Variants in SUGCT observed in about 807,000 individuals in gnomAD.
SUGCT encodes the protein succinyl-CoA:glutarate-CoA transferase.
SUGCT carries 41 observed loss-of-function variants against 55.0 expected under a neutral mutation model. The ratio of observed to expected loss-of-function variants is 0.74; its 90% CI spans 0.58 to 0.97. The LOEUF (loss-of-function observed/expected upper bound fraction) is 0.97, where lower values mean the gene tolerates loss of function less well. Ranked by LOEUF, SUGCT falls within the 50% of genes least tolerant of loss-of-function variation. SUGCT has a pLI of 0.00. For missense variants in SUGCT, 568 were observed against 547.8 expected (o/e 1.04, Z -0.37); for synonymous variants, 187 against 200.4 (o/e 0.93, Z 0.56).
chr7:40,838,786 T>C (rs1454336934), intron 13 of SUGCT, among the ~76,000 whole-genome samples: 1 of 152,184 alleles, frequency 6.6e-6, no homozygotes, highest in Admixed American at 6.5e-5. Context: ...AGTACTTTGT[T>C]GAATAAGAGC....
the SUGCT span, among the ~76,000 whole-genome samples, chr7:40,955,971 A>G: frequency 2.0e-5 from 3 of 152,170 alleles, no homozygotes; most frequent in African/African-American, 7.2e-5. Flanking sequence ...TATCACAGGG[A>G]TGAAGCCAAG....
intron 13 of SUGCT, among the ~76,000 whole-genome samples, chr7:40,830,865 T>C (rs111589458): frequency 2.6e-5 from 4 of 152,316 alleles, no homozygotes; most frequent in African/African-American, 9.6e-5. Flanking sequence ...AATCCACTTA[T>C]TTTTACTCTA....
chr7:40,722,612 C>G (rs1007103967), intron 12 of SUGCT, among the ~76,000 whole-genome samples: 1 of 152,072 alleles, frequency 6.6e-6, no homozygotes, highest in African/African-American at 2.4e-5. Context: ...ATGGAGTGAG[C>G]CTTCTAAAAC....
chr7:40,445,340 C>G lies in SUGCT; in HGVS notation c.817-3947C>G, dbSNP rs1023162068. On this transcript the variant is annotated intron_variant, in intron 9 of 13. Coordinates refer to ENST00000335693, the MANE Select transcript of SUGCT (RefSeq NM_001193313.2). Reference sequence around the variant, plus strand: ...TATCACCACTGATCCCACAGAAATACAAACTACCATCAGAGAATACTATAA... The same window carrying G: ...TATCACCACTGATCCCACAGAAATAGAAACTACCATCAGAGAATACTATAA... Among the ~76,000 whole-genome samples the G allele has an allele frequency of 2.0e-5, 3 of 152,082 alleles. No homozygotes were observed. The East Asian group carries it at 5.8e-4, about 29-fold the overall frequency.
the SUGCT span, among the ~76,000 whole-genome samples, chr7:41,017,065 G>A: frequency 6.6e-6 from 1 of 152,330 alleles, no homozygotes; most frequent in South Asian, 2.1e-4. Flanking sequence ...ACTCAGCCAT[G>A]CGCTTGCTCT....
chr7:40,175,952 G>A (rs1784902455), intron 1 of SUGCT, among the ~76,000 whole-genome samples: 1 of 151,928 alleles, frequency 6.6e-6, no homozygotes, highest in Non-Finnish European at 1.5e-5. Context: ...AGTAGGCTGG[G>A]CGTGGTGGCT....
At chr7:40,803,594 A>G (rs1381834431) in intron 13 of SUGCT, among the ~76,000 whole-genome samples, 1 of 152,206 alleles carries the variant, frequency 6.6e-6, no homozygotes, top group African/African-American at 2.4e-5. Flanking sequence ...TCATGAAGGA[A>G]ACAAGAGTTC....
chr7:40,140,724 A>AT (rs1274806000), intron 1 of SUGCT, among the ~76,000 whole-genome samples: 1 of 152,036 alleles, frequency 6.6e-6, no homozygotes, highest in Non-Finnish European at 1.5e-5. Flanking sequence ...TATAGACACT[A>AT]TGAGTATTAT....
At chr7:40,219,780 T>C (rs938660231) in intron 6 of SUGCT, among the ~76,000 whole-genome samples, 3 of 152,198 alleles carry the variant, frequency 2.0e-5, no homozygotes, top group Non-Finnish European at 2.9e-5. Flanking sequence ...AAAACCTGTG[T>C]AAATAATACC....
intron 8 of SUGCT, among the ~76,000 whole-genome samples, chr7:40,299,295 G>A (rs147733076): frequency 2.6e-5 from 4 of 152,308 alleles, no homozygotes; most frequent in Admixed American, 6.5e-5. Context: ...TCTGAGGAGA[G>A]AGTCACTACT....
At chr7:40,731,985 C>G (rs1786909894) in intron 12 of SUGCT, among the ~76,000 whole-genome samples, 1 of 152,094 alleles carries the variant, frequency 6.6e-6, no homozygotes, top group East Asian at 1.9e-4. Flanking sequence ...AATTCTAGCT[C>G]CTGATAATCT....
At chr7:40,854,429 TTTCTTTCTTTC>T (rs1584540772) in intron 13 of SUGCT, among the ~76,000 whole-genome samples, 2 of 139,030 alleles carry the variant, frequency 1.4e-5, no homozygotes, top group East Asian at 4.1e-4. Flanking sequence ...CCTTTCTTTC[TTTCTTTCTTTC>T]TTTCTTTCTT....
At chr7:40,265,425 G>C (rs1791500706) in intron 7 of SUGCT, among the ~76,000 whole-genome samples, 1 of 152,050 alleles carries the variant, frequency 6.6e-6, no homozygotes. Flanking sequence ...TAGAAACTTA[G>C]AAAAACACAT....
intron 13 of SUGCT, among the ~76,000 whole-genome samples, chr7:40,778,127 C>A (rs1322237447): frequency 6.6e-6 from 1 of 152,206 alleles, no homozygotes; most frequent in South Asian, 2.1e-4. Context: ...GTCACATGGA[C>A]TGAAAGCCAG....
At chr7:40,885,132 A>G in the SUGCT span, among the ~76,000 whole-genome samples, 1 of 152,204 alleles carries the variant, frequency 6.6e-6, no homozygotes, top group Non-Finnish European at 1.5e-5. Context: ...TAGTTGGAAT[A>G]GTGGCCGAGG....
chr7:40,570,009 A>G (rs1352655551), intron 12 of SUGCT, among the ~76,000 whole-genome samples: 2 of 152,228 alleles, frequency 1.3e-5, no homozygotes, highest in Non-Finnish European at 2.9e-5. Flanking sequence ...CATTAGCCAC[A>G]TTGTTATAAA....
At chr7:40,480,854 G>A (rs1339135835) in intron 11 of SUGCT, among the ~76,000 whole-genome samples, 1 of 152,006 alleles carries the variant, frequency 6.6e-6, no homozygotes, top group Non-Finnish European at 1.5e-5. Flanking sequence ...CTATAGATTG[G>A]TGGTGTGTTT....
At chr7:40,197,387 C>T (rs1786349874) in intron 6 of SUGCT, among the ~76,000 whole-genome samples, 1 of 152,026 alleles carries the variant, frequency 6.6e-6, no homozygotes, top group African/African-American at 2.4e-5. Flanking sequence ...ATCATATTAC[C>T]ATAAAAACGC....
chr7:41,017,325 T>C, the SUGCT span, among the ~76,000 whole-genome samples: 1 of 135,666 alleles, frequency 7.4e-6, no homozygotes, highest in East Asian at 2.2e-4. Context: ...AAAGATGCGA[T>C]ACATGGGAAA....
Sources: gnomAD v4.1 joint callset for allele counts (sites outside exome capture counted in the v4.1 genomes callset) on GRCh38, gnomAD v4.1.1 for gene constraint, MANE v1.5 for transcripts, NCBI Gene and HGNC (gene_info 2026-07-23, HGNC 2026-07-21) for gene names.